The following GALNT13 variants were observed in gnomAD, a reference collection of about 807,000 sequenced individuals.
GALNT13 encodes UDP-GalNAc:polypeptide N-acetylgalactosaminyltransferase 13.
GALNT13 carries 28 observed loss-of-function variants against 64.2 expected under a neutral mutation model. That is an observed-to-expected ratio of 0.44 (90% CI 0.32 to 0.60). The LOEUF (loss-of-function observed/expected upper bound fraction) is 0.60. Among genes scored for constraint, GALNT13 ranks in the 20% least tolerant of loss-of-function variants. GALNT13 has a pLI of 0.05. For synonymous variants in GALNT13, 214 were observed against 224.6 expected, an observed-to-expected ratio of 0.95 and a Z score of 0.42; for missense variants, 577 against 669.8, an observed-to-expected ratio of 0.86 and a Z score of 1.53.
the GALNT13 span, among the ~76,000 whole-genome samples, chr2:153,331,345 A>C: frequency 2.0e-5 from 3 of 151,806 alleles, no homozygotes; most frequent in African/African-American, 7.3e-5. Context: ...CACCTAGTAG[A>C]ATTCACCTGT....
At chr2:153,856,458 G>C in the GALNT13 span, among the ~76,000 whole-genome samples, 1 of 152,106 alleles carries the variant, frequency 6.6e-6, no homozygotes, top group Non-Finnish European at 1.5e-5. Flanking sequence ...ACATTAAAAC[G>C]TGGATCTAAG....
At chr2:153,868,976 T>TA (rs1685807516), upstream of GALNT13, among the ~76,000 whole-genome samples, 1 of 152,174 alleles carries the variant, frequency 6.6e-6, no homozygotes, top group African/African-American at 2.4e-5. Flanking sequence ...ACCTGATTTT[T>TA]AAAAAAGTAT....
the GALNT13 span, among the ~76,000 whole-genome samples, chr2:153,306,116 C>T: frequency 3.9e-5 from 6 of 152,296 alleles, no homozygotes; most frequent in African/African-American, 1.4e-4. Context: ...TTATGACCCA[C>T]ATGCTTTGAG....
At chr2:154,364,430 G>A (rs773393786) in intron 9 of GALNT13, among the ~76,000 whole-genome samples, 3 of 150,202 alleles carry the variant, frequency 2.0e-5, no homozygotes, top group Non-Finnish European at 4.4e-5. Context: ...AGAATATCTC[G>A]ACTCCAGTAA....
rs1028999515 is a variant in GALNT13 at position 153,993,721 on chromosome 2, T to C, written c.142+49082T>C. ...AAAAAAAAAAAAAAAAAAGATAAAT[T>C]AAGCTAAATTCTTCTTGACATATTA... On this transcript the variant is annotated intron_variant, in intron 3 of 12. Coordinates refer to ENST00000392825, the MANE Select transcript of GALNT13 (RefSeq NM_052917.4). Among the ~76,000 whole-genome samples, 13 of 147,352 alleles carry C rather than the reference T, an allele frequency of 8.8e-5. No individual in the cohort carries two copies. In the East Asian group the frequency reaches 1.4e-3, roughly 16 times the overall value.
Position 154,265,415 on chromosome 2 carries a change from C to T in GALNT13, c.975+6277C>T, listed in dbSNP as rs528572453. On this transcript the variant is annotated intron_variant, in intron 8 of 12. Coordinates refer to ENST00000392825, the MANE Select transcript of GALNT13 (RefSeq NM_052917.4). ...GTTTTGGGTAGAAATCAGAAGAGTT[C>T]GGGCCAGGCTCAGTGGCTCATGCCT... is the stretch of plus-strand genomic sequence containing the variant. Among the ~76,000 whole-genome samples, 29 of 152,098 alleles carry T rather than the reference C, an allele frequency of 1.9e-4. No individual in the cohort carries two copies. The South Asian group carries it at 2.1e-3, about 11-fold the overall frequency.
the GALNT13 span, among the ~76,000 whole-genome samples, chr2:153,211,516 G>A: frequency 7.9e-5 from 12 of 152,126 alleles, no homozygotes; most frequent in Non-Finnish European, 2.9e-5. Flanking sequence ...TAGCAGAAAA[G>A]CAACCATGTT....
the GALNT13 span, among the ~76,000 whole-genome samples, chr2:153,842,001 C>A: frequency 6.6e-6 from 1 of 151,812 alleles, no homozygotes; most frequent in South Asian, 2.1e-4. Flanking sequence ...CTTTCCTATA[C>A]AAAACAAAGT....
chr2:153,280,797 T>C, the GALNT13 span, among the ~76,000 whole-genome samples: 5 of 152,234 alleles, frequency 3.3e-5, no homozygotes, highest in Non-Finnish European at 4.4e-5. Context: ...TGGTCACTCA[T>C]AGAGTATGTT....
At position 154,317,933 on chromosome 2, in the gene GALNT13, T is replaced by TAA. The variant is rs61212172; in HGVS notation, c.1156+16357_1156+16358dup. ...TCCAGATTCTTGTCCTACCAAAATC[T>TAA]AAAAAAAAAAAAAATTATATAAGTC... On this transcript the variant is annotated intron_variant, in intron 9 of 12. Coordinates refer to ENST00000392825, the MANE Select transcript of GALNT13 (RefSeq NM_052917.4). Among the ~76,000 whole-genome samples, 1,169 of 144,912 alleles carry TAA rather than the reference T, an allele frequency of 8.1e-3. 16 individuals carry two copies. Among genetic ancestry groups the TAA allele is most frequent in the African/African-American group, 0.027 (1,079 of 39,952 alleles).
At chr2:154,319,481 C>T (rs1203738661) in intron 9 of GALNT13, among the ~76,000 whole-genome samples, 2 of 151,842 alleles carry the variant, frequency 1.3e-5, no homozygotes, top group Admixed American at 6.6e-5. Flanking sequence ...GCCTGGGCAA[C>T]GTGGTGAAAC....
At chr2:153,473,201 A>G in the GALNT13 span, among the ~76,000 whole-genome samples, 1 of 152,260 alleles carries the variant, frequency 6.6e-6, no homozygotes, top group Non-Finnish European at 1.5e-5. Flanking sequence ...AAAAAAAAGG[A>G]AAAATACATG....
chr2:153,962,082 G>A (rs916709797), intron 3 of GALNT13, among the ~76,000 whole-genome samples: 2 of 152,078 alleles, frequency 1.3e-5, no homozygotes, highest in African/African-American at 4.8e-5. Context: ...TTAAAAAATT[G>A]TTTACCTTAC....
chr2:153,770,068 C>A, the GALNT13 span, among the ~76,000 whole-genome samples: 1 of 152,220 alleles, frequency 6.6e-6, no homozygotes, highest in Admixed American at 6.5e-5. Flanking sequence ...GTATTTCAAA[C>A]ATTTCATTTT....
chr2:154,456,127 G>C (rs192529644), downstream of GALNT13, among the ~76,000 whole-genome samples: 1 of 146,656 alleles, frequency 6.8e-6, no homozygotes, highest in Admixed American at 7.0e-5. Context: ...AAAAGAACTT[G>C]ATGATTACAT....
At chr2:153,551,109 A>G in the GALNT13 span, among the ~76,000 whole-genome samples, 2 of 152,156 alleles carry the variant, frequency 1.3e-5, no homozygotes, top group African/African-American at 4.8e-5. Context: ...TTGCCCTTTA[A>G]AGCTGTCCTA....
At chr2:153,229,024 G>C in the GALNT13 span, among the ~76,000 whole-genome samples, 23 of 152,198 alleles carry the variant, frequency 1.5e-4, no homozygotes, top group Non-Finnish European at 3.1e-4. Flanking sequence ...AAGATAGCTA[G>C]AGTATCAACT....
At chr2:153,463,420 G>T in the GALNT13 span, among the ~76,000 whole-genome samples, 2 of 152,004 alleles carry the variant, frequency 1.3e-5, no homozygotes, top group Non-Finnish European at 2.9e-5. Context: ...GATCTAATTA[G>T]ATTTGTAAAT....
At chr2:153,679,895 T>A in the GALNT13 span, among the ~76,000 whole-genome samples, 1 of 151,896 alleles carries the variant, frequency 6.6e-6, no homozygotes, top group South Asian at 2.1e-4. Context: ...CAATGAGTCT[T>A]GCTTAAACTT....
Sources: gnomAD v4.1 joint callset for allele counts (sites outside exome capture counted in the v4.1 genomes callset) on GRCh38, gnomAD v4.1.1 for gene constraint, MANE v1.5 for transcripts, NCBI Gene and HGNC (gene_info 2026-07-23, HGNC 2026-07-21) for gene names.